Variants in TLE3 observed in about 807,000 individuals in gnomAD.
TLE3 encodes TLE family member 3, transcriptional corepressor.
A neutral mutation model predicts 93.0 loss-of-function variants in TLE3; 14 were observed. The ratio of observed to expected loss-of-function variants is 0.15; its 90% confidence interval spans 0.10 to 0.24. The LOEUF is 0.24. TLE3 is among the 10% of genes least tolerant of loss of function. The probability of loss-of-function intolerance (pLI) is 1.00; values close to 1 mark genes in which losing one functional copy is unlikely to be tolerated. For missense variants in TLE3, 693 were observed against 1,046.6 expected (o/e 0.66, Z 4.66); for synonymous variants, 451 against 425.0 (o/e 1.06, Z -0.75).
rs76647695 is a variant in TLE3, at chr15:70,081,136, T to C, written c.235-4978A>G. Reference sequence around the variant, plus strand: ...GCTTCTACCTCCAATTCTGCCTCCATTTAGTTGTGTGGCTTTGGGCAAATC... The same window carrying C: ...GCTTCTACCTCCAATTCTGCCTCCACTTAGTTGTGTGGCTTTGGGCAAATC... On this transcript the variant is annotated intron_variant, in intron 4 of 19. Coordinates refer to ENST00000451782, the MANE Select transcript of TLE3 (RefSeq NM_001105192.3). 1.0e-3 allele frequency among the ~76,000 whole-genome samples: 152 copies of C among 152,300 alleles called. 1 individual carries two copies. The East Asian group carries it at 0.021, about 21-fold the overall frequency.
Position 70,061,870 on chromosome 15 carries a change from T to C in TLE3, c.595-1221A>G, listed in dbSNP as rs8029422. 8.3e-4 allele frequency among the ~76,000 whole-genome samples: 125 copies of C among 150,310 alleles called. 1 individual carries two copies. The highest frequency in any genetic ancestry group is 3.0e-3 in the African/African-American group (119 of 39,668). On this transcript the variant is annotated intron_variant, in intron 8 of 19. Coordinates refer to ENST00000451782, the MANE Select transcript of TLE3 (RefSeq NM_001105192.3). ...AGGCCATCCCAGGTCCCAGTCCCCATGCAACACAGGAGGTCATATGGAGAC... is the reference window on the plus strand; with the variant it reads ...AGGCCATCCCAGGTCCCAGTCCCCACGCAACACAGGAGGTCATATGGAGAC...
intron 4 of TLE3, among the ~76,000 whole-genome samples, chr15:70,093,317 G>A (rs1324502464): frequency 6.6e-6 from 1 of 152,180 alleles, no homozygotes; most frequent in Non-Finnish European, 1.5e-5. Context: ...GGAGGGGAAA[G>A]GAAACTACAG....
intron 4 of TLE3, among the ~76,000 whole-genome samples, chr15:70,079,186 C>T (rs2057615046): frequency 6.6e-6 from 1 of 151,994 alleles, no homozygotes; most frequent in South Asian, 2.1e-4. Context: ...TGCCTCCCAA[C>T]ACCACAAACA....
intron 8 of TLE3, among the ~76,000 whole-genome samples, chr15:70,062,793 C>G (rs949330445): frequency 1.3e-5 from 2 of 152,180 alleles, no homozygotes; most frequent in African/African-American, 4.8e-5. Context: ...ACGCCACATG[C>G]CATGCGCACA....
At position 70,056,334 on chromosome 15, in the gene TLE3, A is replaced by G; in HGVS notation, c.1292T>C (p.Leu431Pro). The change falls in exon 14 of 20, where the codon CTC (leucine) becomes CCC (proline). Residue 431 changes from leucine (L) to proline (P), a missense_variant. Physicochemically the swap from Leu to Pro is moderately conservative, Grantham distance 98 (BLOSUM62 -3). Coordinates refer to ENST00000451782, the MANE Select transcript of TLE3 (RefSeq NM_001105192.3). ...DPHPPMRATG[L>P]PSSLASIPGG... is the part of the protein sequence containing the mutation. ...AGGAATGGAGGCCAGGCTTGAGGGG[A>G]GGCCTGTGGCCCGCATCGGGGGGTG... 1.2e-6 allele frequency: 2 copies of G among 1,613,688 alleles called. No individual in the cohort carries two copies. Among genetic ancestry groups the G allele is most frequent in the Non-Finnish European group, 1.7e-6 (2 of 1,179,874 alleles).
intron 13 of TLE3, among the ~76,000 whole-genome samples, chr15:70,056,651 G>T (rs915199000): frequency 6.6e-6 from 1 of 152,170 alleles, no homozygotes; most frequent in African/African-American, 2.4e-5. Flanking sequence ...TTCCTCTCCT[G>T]TGGTCCTAGT....
chr15:70,049,356 T>A lies in TLE3; in HGVS notation c.*741A>T, dbSNP rs1303984178. Reference sequence around the variant, plus strand: ...ATCCCTCAGTCTGGCCGGCTGGTTATCAGTCCGGATGCCCAGACCCGTGTG... The same window carrying A: ...ATCCCTCAGTCTGGCCGGCTGGTTAACAGTCCGGATGCCCAGACCCGTGTG... On this transcript the variant is annotated 3_prime_UTR_variant, in exon 20 of 20. Coordinates refer to ENST00000451782, the MANE Select transcript of TLE3 (RefSeq NM_001105192.3). 2.0e-5 allele frequency: 3 copies of A among 152,212 alleles called. No individual in the cohort carries two copies. In the East Asian group the frequency reaches 5.8e-4, roughly 29 times the overall value. 9.4% of individuals were successfully genotyped at this position (152,212 alleles called of 1,614,324 possible).
At chr15:70,082,334 C>T (rs1364390859) in intron 4 of TLE3, among the ~76,000 whole-genome samples, 1 of 151,764 alleles carries the variant, frequency 6.6e-6, no homozygotes, top group Admixed American at 6.6e-5. Context: ...CATGGGGGGG[C>T]CGGGGGACAG....
chr15:70,093,363 T>C (rs115374505), intron 4 of TLE3, among the ~76,000 whole-genome samples: 80 of 152,300 alleles, frequency 5.3e-4, no homozygotes, highest in African/African-American at 1.9e-3. Context: ...CCCGAGTGGG[T>C]AGGAATCTGC....
At chr15:70,074,377 A>C in intron 6 of TLE3, 156 bp downstream of exon 6, 4 of 852,918 alleles carry the variant, frequency 4.7e-6, no homozygotes, top group Non-Finnish European at 7.1e-6. Flanking sequence ...ACAGCCCTAC[A>C]TGGGTCCAAG....
chr15:70,096,420 G>A, intron 1 of TLE3, 159 bp from the exon 2 acceptor site: 10 of 1,323,506 alleles, frequency 7.6e-6, no homozygotes, highest in Non-Finnish European at 1.0e-5. Flanking sequence ...GCGGAGGGGG[G>A]GCGCCCCATC....
At chr15:70,088,904 G>T (rs1226654575) in intron 4 of TLE3, among the ~76,000 whole-genome samples, 1 of 144,672 alleles carries the variant, frequency 6.9e-6, no homozygotes, top group Non-Finnish European at 1.5e-5. Context: ...CCACCCCGCG[G>T]CAGATGGACT....
At chr15:70,074,778 T>C (rs1223143851) in intron 5 of TLE3, among the ~76,000 whole-genome samples, 171 bp from the exon 6 acceptor site, 1 of 152,232 alleles carries the variant, frequency 6.6e-6, no homozygotes, top group Non-Finnish European at 1.5e-5. Context: ...TTTTACTTTC[T>C]CTTTTAGACC....
At chr15:70,050,699 C>G (rs1257799776) in intron 19 of TLE3, 2 of 155,240 alleles carry the variant, frequency 1.3e-5, no homozygotes, top group African/African-American at 4.8e-5. Context: ...ACATTTCAGC[C>G]TGGGTCCAGA....
intron 6 of TLE3, 70 bp downstream of exon 6, chr15:70,074,463 T>C (rs748474079): frequency 1.3e-6 from 2 of 1,540,422 alleles, no homozygotes; most frequent in Non-Finnish European, 8.8e-7. Flanking sequence ...GGTCAATCTC[T>C]GGTTATGATA....
chr15:70,065,969 G>GCCCCCCCCCTCCCCCCCC lies in TLE3; in HGVS notation c.577+44_577+45insGGGGGGGGAGGGGGGGGG. The GCCCCCCCCCTCCCCCCCC allele has an allele frequency of 3.9e-6, 5 of 1,294,402 alleles. No individual in the cohort carries two copies. In the Admixed American group the frequency reaches 7.2e-5, roughly 19 times the overall value. The allele number at this position is 1,294,402 out of a possible 1,614,324, so 80.2% of individuals were successfully genotyped here. A position where few individuals can be genotyped will look rare whatever the true frequency, so the allele number is the denominator to read the frequency against. ...CACTGTGAGGCCTATGAGCGCCCAT[G>GCCCCCCCCCTCCCCCCCC]CCCACCCCTGCCCCGCCCCACCCTC... On this transcript the variant is annotated intron_variant, in intron 7 of 19. Transcript: ENST00000451782.
Position 70,053,311 on chromosome 15 carries a change from C to G in TLE3, c.1890G>C (p.Leu630=). The part of the protein sequence containing the change: ...CIDISHDGTK[L]WTGGLDNTVR... ...CCGTGTTGTCCAGGCCCCCTGTCCA[C>G]AGTTTGGTGCCATCATGGGAGATGT... The change falls in exon 17 of 20, where the codon CTG becomes CTC. Residue 630 remains leucine, a synonymous_variant. Transcript: ENST00000451782. 1 of 1,608,958 alleles carries G rather than the reference C, an allele frequency of 6.2e-7. No individual in the cohort carries two copies.
chr15:70,064,384 T>C, intron 8 of TLE3, 70 bp downstream of exon 8: 1 of 1,598,176 alleles, frequency 6.3e-7, no homozygotes, highest in Non-Finnish European at 8.6e-7. Flanking sequence ...CCCGCGATTC[T>C]GGGAGCCCCG....
intron 5 of TLE3, 133 bp from the exon 6 acceptor site, chr15:70,074,740 C>A (rs564842196): frequency 3.5e-4 from 208 of 592,362 alleles, no homozygotes; most frequent in African/African-American, 3.2e-3. Flanking sequence ...AGGCACAGGG[C>A]ACAAGTAGGG....
Sources: allele counts gnomAD v4.1 joint callset (sites outside exome capture counted in the v4.1 genomes callset), GRCh38; gene constraint gnomAD v4.1.1; transcripts MANE v1.5; gene names NCBI Gene and HGNC (gene_info 2026-07-23, HGNC 2026-07-21).